IPO8: variants seen among roughly 807,000 people sequenced by gnomAD.
The protein encoded by IPO8 is importin 8.
In IPO8, 65 loss-of-function variants were observed where a neutral mutation model predicts 141.2. The observed-to-expected ratio is 0.46, with a 90% CI of 0.38 to 0.57. The LOEUF (loss-of-function observed/expected upper bound fraction) is 0.57, where lower values mean the gene tolerates loss of function less well. Ranked by LOEUF, IPO8 falls within the 20% of genes least tolerant of loss-of-function variation. The pLI, the probability that IPO8 is intolerant of heterozygous loss-of-function variation, is 0.00. For synonymous variants in IPO8, 411 were observed against 420.3 expected (o/e 0.98, Z 0.27); for missense variants, 980 against 1,246.8 (o/e 0.79, Z 3.22).
intron 5 of IPO8, among the ~76,000 whole-genome samples, chr12:30,679,263 G>A (rs1382509840): frequency 2.0e-5 from 3 of 152,182 alleles, no homozygotes; most frequent in African/African-American, 7.2e-5. Context: ...GAATATTAAT[G>A]TATTAGTACA....
Position 30,674,038 on chromosome 12 carries a change from A to G in IPO8, c.861T>C (p.Phe287=). ...GSPGNVTKEY[F]EFSEFFLKTY... ...TTTTCAAAAAGAATTCAGAAAATTC[A>G]AAGTATTCTTTTGTGACATTTCCTG... The change falls in exon 8 of 25, where the codon TTT becomes TTC. Residue 287 remains phenylalanine (F), a synonymous_variant. Transcript: ENST00000256079. The G allele has an allele frequency of 6.3e-7, 1 of 1,593,726 alleles. No individual in the cohort carries two copies. Among genetic ancestry groups the G allele is most frequent in the Non-Finnish European group, 8.6e-7 (1 of 1,165,216 alleles).
intron 3 of IPO8, among the ~76,000 whole-genome samples, chr12:30,682,699 G>C (rs2053201349): frequency 6.6e-6 from 1 of 151,832 alleles, no homozygotes; most frequent in Non-Finnish European, 1.5e-5. Context: ...AACAAACTTG[G>C]CAAAATTAGG....
intron 21 of IPO8, among the ~76,000 whole-genome samples, chr12:30,639,176 ATTTAGAAT>A (rs965841360): frequency 6.6e-6 from 1 of 152,166 alleles, no homozygotes; most frequent in Non-Finnish European, 1.5e-5. Flanking sequence ...ATCCAACTCC[ATTTAGAAT>A]GTTTTTACCC....
chr12:30,664,317 T>A (rs1235786725), intron 13 of IPO8, among the ~76,000 whole-genome samples: 1 of 152,220 alleles, frequency 6.6e-6, no homozygotes, highest in African/African-American at 2.4e-5. Flanking sequence ...ATTGCGCTAG[T>A]AACTATTATT....
chr12:30,677,124 CATA>C (rs767272349), intron 5 of IPO8: 1 of 1,464,820 alleles, frequency 6.8e-7, no homozygotes, highest in South Asian at 1.2e-5. Context: ...ATGCTACAGA[CATA>C]ATAAGATAGA....
At chr12:30,688,409 AAAAGAG>A in intron 2 of IPO8, 1 of 441,638 alleles carries the variant, frequency 2.3e-6, no homozygotes. Context: ...GCCCACAAGC[AAAAGAG>A]AAAAAGTATT....
chr12:30,670,793 T>C (rs1458438986), intron 9 of IPO8, among the ~76,000 whole-genome samples, 169 bp downstream of exon 9: 1 of 152,220 alleles, frequency 6.6e-6, no homozygotes, highest in African/African-American at 2.4e-5. Context: ...CTCAAATGCT[T>C]AAATTTCTAA....
rs1483402118 is a variant in IPO8, at chr12:30,666,236, T to C, written c.1160A>G (p.Tyr387Cys). Reference protein sequence around the residue: ...IRMKFDIFEDYASPTTAAQTL... With the variant: ...IRMKFDIFEDCASPTTAAQTL... ...CTGGGCTGCTGTGGTGGGAGAAGCA[T>C]AATCTTCAAAAATATCTAAGATTTT... Residue 387 changes from tyrosine (Y) to cysteine (C), a missense_variant, in exon 11 of 25, where the codon TAT (tyrosine) becomes TGT (cysteine). This residue lies in a region of IPO8 where 924 missense variants were observed against 1,153.9 expected (regional missense o/e 0.80). Coordinates refer to ENST00000256079, the MANE Select transcript of IPO8 (RefSeq NM_006390.4). 2 of 1,586,320 alleles carry C rather than the reference T, an allele frequency of 1.3e-6. No homozygotes were observed. Among genetic ancestry groups the C allele is most frequent in the African/African-American group, 1.4e-5 (1 of 73,804 alleles).
At chr12:30,632,207 T>C (rs1314045022) in intron 23 of IPO8, among the ~76,000 whole-genome samples, 196 bp from the exon 24 acceptor site, 1 of 152,204 alleles carries the variant, frequency 6.6e-6, no homozygotes, top group African/African-American at 2.4e-5. Flanking sequence ...TACCCAGCTA[T>C]GTGGGAAATC....
intron 5 of IPO8, among the ~76,000 whole-genome samples, chr12:30,680,058 T>G (rs928032285): frequency 3.3e-5 from 5 of 152,174 alleles, no homozygotes; most frequent in Non-Finnish European, 4.4e-5. Flanking sequence ...TTGAGTCAAA[T>G]GCAAAGAAAC....
intron 16 of IPO8, among the ~76,000 whole-genome samples, chr12:30,659,355 T>C (rs1463178623): frequency 6.6e-6 from 1 of 151,852 alleles, no homozygotes; most frequent in African/African-American, 2.4e-5. Context: ...CCTGGCGTGG[T>C]GGCAGGCAGC....
intron 2 of IPO8, chr12:30,688,593 A>G (rs2053264348): frequency 5.7e-6 from 1 of 175,150 alleles, no homozygotes; most frequent in Non-Finnish European, 1.2e-5. Flanking sequence ...TAGATTAAAC[A>G]GAACAGAAAA....
intron 10 of IPO8, among the ~76,000 whole-genome samples, chr12:30,668,080 A>AG (rs1437921772): frequency 2.7e-5 from 4 of 149,626 alleles, no homozygotes; most frequent in Non-Finnish European, 5.9e-5. Context: ...AGAGAGAGAG[A>AG]AGAATGGTTG....
At chr12:30,655,219 CAG>C (rs2052782527) in intron 17 of IPO8, among the ~76,000 whole-genome samples, 1 of 152,112 alleles carries the variant, frequency 6.6e-6, no homozygotes, top group Admixed American at 6.6e-5. Flanking sequence ...TTGTATCATA[CAG>C]AGTAGTTTCA....
chr12:30,673,043 G>C (rs2053072841), intron 8 of IPO8, among the ~76,000 whole-genome samples: 1 of 152,098 alleles, frequency 6.6e-6, no homozygotes, highest in South Asian at 2.1e-4. Context: ...GATCACTTGA[G>C]ATCACGAGTT....
chr12:30,678,492 A>AT (rs1245168717), intron 5 of IPO8, among the ~76,000 whole-genome samples: 2 of 152,180 alleles, frequency 1.3e-5, no homozygotes, highest in African/African-American at 4.8e-5. Context: ...CAGCCTAGGT[A>AT]TGTAGTAGGC....
intron 10 of IPO8, among the ~76,000 whole-genome samples, chr12:30,668,416 G>A (rs934571649): frequency 2.6e-5 from 4 of 152,156 alleles, no homozygotes; most frequent in African/African-American, 4.8e-5. Flanking sequence ...AGCACGCAGC[G>A]CTAGATTTAG....
chr12:30,668,433 T>C (rs1057048826), intron 10 of IPO8, among the ~76,000 whole-genome samples: 1 of 152,200 alleles, frequency 6.6e-6, no homozygotes, highest in African/African-American at 2.4e-5. Flanking sequence ...TTAGCAATCA[T>C]TTCTTTCAAC....
At chr12:30,632,188 C>T (rs2052442246) in intron 23 of IPO8, among the ~76,000 whole-genome samples, 177 bp from the exon 24 acceptor site, 1 of 152,176 alleles carries the variant, frequency 6.6e-6, no homozygotes, top group Non-Finnish European at 1.5e-5. Context: ...TTTCTGAGTA[C>T]CCACTTAGTA....
Sources: allele counts gnomAD v4.1 joint callset (sites outside exome capture counted in the v4.1 genomes callset), GRCh38; gene constraint gnomAD v4.1.1; regional missense constraint gnomAD v4.1.1; transcripts MANE v1.5; gene names NCBI Gene and HGNC (gene_info 2026-07-23, HGNC 2026-07-21).